The following ORAI2 variants were observed in gnomAD, a reference collection of about 807,000 sequenced individuals.
The protein encoded by ORAI2 is ORAI calcium release-activated calcium modulator 2.
A neutral mutation model predicts 16.2 loss-of-function variants in ORAI2; 10 were observed. The ratio of observed to expected loss-of-function variants is 0.62; its 90% CI spans 0.38 to 1.04. ORAI2 has a LOEUF of 1.04. Among genes scored for constraint, ORAI2 ranks in the 50% least tolerant of loss-of-function variants. The pLI, the probability that ORAI2 is intolerant of heterozygous loss-of-function variation, is 0.01. For synonymous variants in ORAI2, 150 were observed against 157.5 expected, an observed-to-expected ratio of 0.95 and a Z score of 0.35; for missense variants, 238 against 355.5, an observed-to-expected ratio of 0.67 and a Z score of 2.66.
intron 3 of ORAI2, among the ~76,000 whole-genome samples, chr7:102,445,362 C>T (rs1443428302): frequency 6.6e-6 from 1 of 151,720 alleles, no homozygotes; most frequent in Non-Finnish European, 1.5e-5. Context: ...CTCCTGGGCT[C>T]AAGCGATCCT....
chr7:102,443,271 C>CTCCTTTTT (rs1797263272), intron 3 of ORAI2, among the ~76,000 whole-genome samples: 1 of 143,296 alleles, frequency 7.0e-6, no homozygotes, highest in Admixed American at 7.1e-5. Context: ...AGCCCCTTTT[C>CTCCTTTTT]TCCTTTTTTT....
intron 3 of ORAI2, among the ~76,000 whole-genome samples, chr7:102,442,717 G>C (rs1797238432): frequency 6.6e-6 from 1 of 151,622 alleles, no homozygotes; most frequent in Non-Finnish European, 1.5e-5. Flanking sequence ...TTAGCCAGGC[G>C]TGGTGGCTGG....
chr7:102,439,975 G>T (rs1464046782), intron 3 of ORAI2, among the ~76,000 whole-genome samples: 1 of 152,062 alleles, frequency 6.6e-6, no homozygotes, highest in African/African-American at 2.4e-5. Context: ...CCAGCTACTT[G>T]GGAGGCTGAG....
At chr7:102,440,688 C>T (rs1455320570) in intron 3 of ORAI2, among the ~76,000 whole-genome samples, 1 of 151,778 alleles carries the variant, frequency 6.6e-6, no homozygotes, top group Admixed American at 6.6e-5. Flanking sequence ...GCACGTGCCA[C>T]CATGCCTGGC....
intron 1 of ORAI2, among the ~76,000 whole-genome samples, chr7:102,435,989 A>G (rs1394591268): frequency 6.6e-6 from 1 of 151,950 alleles, no homozygotes; most frequent in South Asian, 2.1e-4. Flanking sequence ...TTCATCTTGG[A>G]TCTTTAAGTA....
At position 102,449,494 on chromosome 7, in the gene ORAI2, C is replaced by G. The variant is rs1797469614; in HGVS notation, c.*2442C>G. The G allele has an allele frequency of 6.6e-6, 1 of 152,130 alleles. No homozygotes were observed. Among genetic ancestry groups the G allele is most frequent in the South Asian group, 2.1e-4 (1 of 4,828 alleles). 9.4% of individuals were successfully genotyped at this position (152,130 alleles called of 1,614,324 possible). On this transcript the variant is annotated 3_prime_UTR_variant, in exon 4 of 4. Transcript: ENST00000495936. ...CCGAGGCAGGCAGATCACTTGAGAT[C>G]AGGACTTTAAGACCAGCCTCGGCAA... is the stretch of plus-strand genomic sequence containing the variant.
Position 102,439,065 on chromosome 7 carries a change from C to T in ORAI2, c.109C>T (p.Leu37=). Reference sequence around the variant, plus strand: ...CTGGGTCCGCCGCAGCTACCTGGAACTGGTCACCTCTAACCACCACTCGGT... The same window carrying T: ...CTGGGTCCGCCGCAGCTACCTGGAATTGGTCACCTCTAACCACCACTCGGT... ...RDWVRRSYLE[L]VTSNHHSVQA... is the part of the protein sequence containing the mutation. The change falls in exon 3 of 4, where the codon CTG becomes TTG. Residue 37 remains leucine, a synonymous_variant. Coordinates refer to ENST00000495936, the MANE Select transcript of ORAI2 (RefSeq NM_001126340.3). The T allele has an allele frequency of 6.2e-7, 1 of 1,614,102 alleles. No homozygotes were observed.
At position 102,455,628 on chromosome 7, in the gene ORAI2, C is replaced by G. The variant is rs1797627308; in HGVS notation, c.*8576C>G. 1 of 152,274 alleles carries G rather than the reference C, an allele frequency of 6.6e-6. No individual in the cohort carries two copies. The highest frequency in any genetic ancestry group is 2.4e-5 in the African/African-American group (1 of 41,466). The allele number at this position is 152,274 out of a possible 1,614,324, so 9.4% of individuals were successfully genotyped here. On this transcript the variant is annotated 3_prime_UTR_variant, in exon 4 of 4. Coordinates refer to ENST00000495936, the MANE Select transcript of ORAI2 (RefSeq NM_001126340.3). ...GCACTGGCCCCCTCGAGAGTGGACC[C>G]CTGGGCTGGCTTATCTGCTCCAGTG...
rs796601366 is a variant in ORAI2, at chr7:102,453,602, C to T, written c.*6550C>T. On this transcript the variant is annotated 3_prime_UTR_variant, in exon 4 of 4. Transcript: ENST00000495936. ...CCCAGGCCAGCAAGCCCACAAGCCT[C>T]GAGAAAGACTGCACTTCCGGTGGAG... The T allele has an allele frequency of 3.9e-5, 6 of 152,328 alleles. No homozygotes were observed. The highest frequency in any genetic ancestry group is 2.0e-4 in the Admixed American group (3 of 15,294). The allele number at this position is 152,328 out of a possible 1,614,324, so 9.4% of individuals were successfully genotyped here. A position where few individuals can be genotyped will look rare whatever the true frequency, so the allele number is the denominator to read the frequency against.
intron 2 of ORAI2, among the ~76,000 whole-genome samples, chr7:102,438,682 A>G (rs1489187011): frequency 6.6e-6 from 1 of 152,060 alleles, no homozygotes; most frequent in Non-Finnish European, 1.5e-5. Flanking sequence ...CTGAAGCAGG[A>G]GAATTGCTTG....
rs1017412774 is a variant in ORAI2 at position 102,441,789 on chromosome 7, A to G, written c.225+2608A>G. 5.0e-4 allele frequency among the ~76,000 whole-genome samples: 76 copies of G among 152,118 alleles called. 1 individual carries two copies. Among genetic ancestry groups the G allele is most frequent in the African/African-American group, 1.7e-3 (72 of 41,416 alleles). ...AAGTGAACCATCTGGCGTGGAGCTG[A>G]GCCTTGGGGGAGCCGCAGTGCACCT... On this transcript the variant is annotated intron_variant, in intron 3 of 3. Transcript: ENST00000495936.
At chr7:102,437,995 G>A (rs987885640) in intron 2 of ORAI2, among the ~76,000 whole-genome samples, 1 of 152,166 alleles carries the variant, frequency 6.6e-6, no homozygotes, top group African/African-American at 2.4e-5. Context: ...GCTGCAGTGA[G>A]CTGTGATCGT....
chr7:102,445,387 C>G (rs1797322615), intron 3 of ORAI2, among the ~76,000 whole-genome samples: 1 of 151,986 alleles, frequency 6.6e-6, no homozygotes. Context: ...CCTCTGCCTC[C>G]CAAAGTGCTG....
intron 3 of ORAI2, among the ~76,000 whole-genome samples, chr7:102,441,779 C>G (rs1302544217): frequency 1.3e-5 from 2 of 151,980 alleles, no homozygotes; most frequent in African/African-American, 4.8e-5. Context: ...AACCATCTGG[C>G]GTGGAGCTGA....
At position 102,448,364 on chromosome 7, in the gene ORAI2, C is replaced by T. The variant is rs897544347; in HGVS notation, c.*1312C>T. 6.6e-6 allele frequency: 1 copy of T among 152,308 alleles called. No individual in the cohort carries two copies. The highest frequency in any genetic ancestry group is 2.4e-5 in the African/African-American group (1 of 41,468). The allele number at this position is 152,308 out of a possible 1,614,324, so 9.4% of individuals were successfully genotyped here. ...TACAACCAAACACCTTTCCCCTCTT[C>T]TCCAGCTGTAACCTGGAGAGTCAGC... On this transcript the variant is annotated 3_prime_UTR_variant, in exon 4 of 4. Coordinates refer to ENST00000495936, the MANE Select transcript of ORAI2 (RefSeq NM_001126340.3).
chr7:102,435,618 C>A (rs1797040862), intron 1 of ORAI2, among the ~76,000 whole-genome samples: 1 of 150,472 alleles, frequency 6.6e-6, no homozygotes, highest in African/African-American at 2.4e-5. Context: ...CTCACTGCAA[C>A]CTCTGCCACC....
intron 1 of ORAI2, among the ~76,000 whole-genome samples, chr7:102,435,921 C>T (rs1418189853): frequency 6.6e-6 from 1 of 152,154 alleles, no homozygotes; most frequent in Non-Finnish European, 1.5e-5. Context: ...AGCTACTGCT[C>T]CTGACCCACA....
rs571348474 is a variant in ORAI2 at position 102,451,813 on chromosome 7, G to A, written c.*4761G>A. The stretch of plus-strand genomic sequence containing the variant: ...AGGGGGCGTGGACATCTCTAGAATG[G>A]AGGCAGGGTACTCATGTCCAGACAC... On this transcript the variant is annotated 3_prime_UTR_variant, in exon 4 of 4. Transcript: ENST00000495936. 5 of 152,416 alleles carry A rather than the reference G, an allele frequency of 3.3e-5. No individual in the cohort carries two copies. In the South Asian group the frequency reaches 1.0e-3, roughly 32 times the overall value. 9.4% of individuals were successfully genotyped at this position (152,416 alleles called of 1,614,324 possible).
intron 2 of ORAI2, among the ~76,000 whole-genome samples, chr7:102,437,868 T>C (rs1797099902): frequency 6.6e-6 from 1 of 151,602 alleles, no homozygotes; most frequent in South Asian, 2.1e-4. Flanking sequence ...CTGGGCAATA[T>C]AGTGAGATTC....
Sources: allele counts gnomAD v4.1 joint callset (sites outside exome capture counted in the v4.1 genomes callset), GRCh38; gene constraint gnomAD v4.1.1; transcripts MANE v1.5; gene names NCBI Gene and HGNC (gene_info 2026-07-23, HGNC 2026-07-21).